Variants in PGM3 observed in about 807,000 individuals in gnomAD.
PGM3 encodes phosphoglucomutase 3.
A neutral mutation model predicts 66.2 loss-of-function variants in PGM3; 40 were observed. The ratio of observed to expected loss-of-function variants is 0.60; its 90% CI spans 0.47 to 0.79. The LOEUF is 0.79. Among genes scored for constraint, PGM3 ranks in the 30% least tolerant of loss-of-function variants. The pLI is 0.00. For missense variants in PGM3, 537 were observed against 643.4 expected (o/e 0.83, Z 1.79); for synonymous variants, 191 against 224.2 (o/e 0.85, Z 1.32).
rs377004138 is a variant in PGM3 at position 83,188,573 on chromosome 6, TC to T, written c.389+40del. The stretch of plus-strand genomic sequence containing the variant: ...ACTGATACAATCGTTTATATCACGT[TC>T]CCAAAGGTTTTTTTTTTTACCAGTA... On this transcript the variant is annotated intron_variant, in intron 3 of 12. Coordinates refer to ENST00000513973, the MANE Select transcript of PGM3 (RefSeq NM_015599.3). 1,123 of 1,466,036 alleles carry T rather than the reference TC, an allele frequency of 7.7e-4. 5 individuals are homozygous for T. The African/African-American group carries it at 0.017, about 22-fold the overall frequency. 90.8% of individuals were successfully genotyped at this position (1,466,036 alleles called of 1,614,324 possible).
At chr6:83,152,388 C>T in the PGM3 span, 3 of 1,184,544 alleles carry the variant, frequency 2.5e-6, no homozygotes, top group Non-Finnish European at 2.3e-6. Flanking sequence ...AGCTTTTTCA[C>T]ATGAACTCTC....
rs535683574 is a variant in PGM3 at position 83,190,586 on chromosome 6, C to T, written c.204+223G>A. 1.6e-5 allele frequency: 9 copies of T among 572,586 alleles called. No individual in the cohort carries two copies. The East Asian group carries it at 2.6e-4, about 16-fold the overall frequency. The allele number at this position is 572,586 out of a possible 1,614,324, so 35.5% of individuals were successfully genotyped here. A position where few individuals can be genotyped will look rare whatever the true frequency, so the allele number is the denominator to read the frequency against. ...CATTGTTATTTCTCTAATATGGACA[C>T]TCCAAAAAATGACAGTATCTTTTCA... On this transcript the variant is annotated intron_variant, in intron 2 of 12. Coordinates refer to ENST00000513973, the MANE Select transcript of PGM3 (RefSeq NM_015599.3).
In PGM3 at chr6:83,169,842, C is replaced by A. The variant is rs187369848; in HGVS notation, c.1539+463G>T. 4.9e-4 allele frequency: 225 copies of A among 456,526 alleles called. 1 individual carries two copies. In the Admixed American group the frequency reaches 5.2e-3, roughly 11 times the overall value. 28.3% of individuals were successfully genotyped at this position (456,526 alleles called of 1,614,324 possible). On this transcript the variant is annotated intron_variant, in intron 12 of 12. Coordinates refer to ENST00000513973, the MANE Select transcript of PGM3 (RefSeq NM_015599.3). ...AAATCCAGACCACAAGTCTTGACCC[C>A]TGTCAGGGAAACAGGCACAGAGTAA...
Position 83,167,007 on chromosome 6 carries a change from T to G in PGM3, c.*2227A>C. ...ACCAACCTGTTCTCTCTTATCTTTCTCTAGACAGAATGATGTCTGTAGCTG... is the reference window on the plus strand; with the variant it reads ...ACCAACCTGTTCTCTCTTATCTTTCGCTAGACAGAATGATGTCTGTAGCTG... On this transcript the variant is annotated 3_prime_UTR_variant, in exon 13 of 13. Coordinates refer to ENST00000513973, the MANE Select transcript of PGM3 (RefSeq NM_015599.3). 1.0e-6 allele frequency: 1 copy of G among 985,728 alleles called. No individual in the cohort carries two copies. Among genetic ancestry groups the G allele is most frequent in the Non-Finnish European group, 1.2e-6 (1 of 830,150 alleles). The allele number at this position is 985,728 out of a possible 1,614,324, so 61.1% of individuals were successfully genotyped here.
the PGM3 span, among the ~76,000 whole-genome samples, chr6:83,151,035 T>C: frequency 2.6e-5 from 4 of 152,246 alleles, no homozygotes; most frequent in Admixed American, 2.6e-4. Context: ...GTTTTTGAAC[T>C]ATAAGTATAT....
rs571413759 is a variant in PGM3 at position 83,183,718 on chromosome 6, A to G, written c.458-740T>C. Among the ~76,000 whole-genome samples the G allele has an allele frequency of 7.2e-5, 11 of 152,088 alleles. No individual in the cohort carries two copies. The East Asian group carries it at 2.1e-3, about 29-fold the overall frequency. On this transcript the variant is annotated intron_variant, in intron 4 of 12. Transcript: ENST00000513973. ...ATACATAACCACAGGAGTCCAAAGG[A>G]ACTTTGTCATGAATTTTTTTTTTTT...
Position 83,169,141 on chromosome 6 carries a change from TA to T in PGM3, c.*92del. Reference sequence around the variant, plus strand: ...ATCCAGTAGGCTGCATTGTAAACATTATGATTATAAATCTCTTAGTACTGCC... The same window carrying T: ...ATCCAGTAGGCTGCATTGTAAACATTTGATTATAAATCTCTTAGTACTGCC... On this transcript the variant is annotated 3_prime_UTR_variant, in exon 13 of 13. Coordinates refer to ENST00000513973, the MANE Select transcript of PGM3 (RefSeq NM_015599.3). 1 of 1,551,666 alleles carries T rather than the reference TA, an allele frequency of 6.4e-7. No individual in the cohort carries two copies.
At chr6:83,163,236 T>A (rs1420722096), downstream of PGM3, among the ~76,000 whole-genome samples, 3 of 152,196 alleles carry the variant, frequency 2.0e-5, no homozygotes, top group African/African-American at 7.2e-5. Flanking sequence ...ACCATACATG[T>A]GAGTATTTAA....
In PGM3 at chr6:83,193,160, G is replaced by A. The variant is rs898177650; in HGVS notation, c.-3+19C>T. On this transcript the variant is annotated intron_variant, in intron 1 of 12. Transcript: ENST00000513973. ...CGGTAGTCTCCCTTCTCAACTCCGAGCCTCGGGGCCCGGCTTACCTCGGTC... is the reference window on the plus strand; with the variant it reads ...CGGTAGTCTCCCTTCTCAACTCCGAACCTCGGGGCCCGGCTTACCTCGGTC... The A allele has an allele frequency of 2.0e-5, 3 of 152,158 alleles. No individual in the cohort carries two copies. The highest frequency in any genetic ancestry group is 4.4e-5 in the Non-Finnish European group (3 of 68,104). The allele number at this position is 152,158 out of a possible 1,614,324, so 9.4% of individuals were successfully genotyped here. A position where few individuals can be genotyped will look rare whatever the true frequency, so the allele number is the denominator to read the frequency against.
chr6:83,148,797 T>C, the PGM3 span: 1 of 1,563,578 alleles, frequency 6.4e-7, no homozygotes. Context: ...TGGGCGTCAC[T>C]GTTGATACTT....
intron 6 of PGM3, among the ~76,000 whole-genome samples, chr6:83,181,206 T>C (rs1169754305): frequency 6.6e-6 from 1 of 152,198 alleles, no homozygotes; most frequent in Admixed American, 6.5e-5. Flanking sequence ...TGCTAACAAC[T>C]GTATAAGCAG....
At chr6:83,191,407 AT>A (rs1248780006) in intron 1 of PGM3, 8 of 621,618 alleles carry the variant, frequency 1.3e-5, no homozygotes, top group Non-Finnish European at 1.7e-5. Flanking sequence ...ACTAACCTAA[AT>A]TAACATAGAT....
At chr6:83,190,768 G>T in intron 2 of PGM3, 41 bp downstream of exon 2, 1 of 1,474,908 alleles carries the variant, frequency 6.8e-7, no homozygotes, top group Non-Finnish European at 9.5e-7. Context: ...GCTTGGTCTT[G>T]TAAATAATGG....
At chr6:83,185,871 C>T (rs985400652) in intron 4 of PGM3, among the ~76,000 whole-genome samples, 1 of 151,924 alleles carries the variant, frequency 6.6e-6, no homozygotes, top group Admixed American at 6.6e-5. Flanking sequence ...AAGAGGGTCC[C>T]GAGGAATGCC....
At chr6:83,156,875 G>T (rs1782920239), downstream of PGM3, among the ~76,000 whole-genome samples, 1 of 151,550 alleles carries the variant, frequency 6.6e-6, no homozygotes, top group Admixed American at 6.5e-5. Flanking sequence ...CTCAAAGTAT[G>T]GTCCATGGAC....
intron 4 of PGM3, among the ~76,000 whole-genome samples, chr6:83,185,445 G>A (rs1031037625): frequency 1.3e-5 from 2 of 152,320 alleles, no homozygotes; most frequent in Admixed American, 1.3e-4. Flanking sequence ...TACACAGCAG[G>A]TAGTAAAACA....
downstream of PGM3, among the ~76,000 whole-genome samples, chr6:83,156,513 T>C (rs1031246788): frequency 3.9e-5 from 6 of 152,190 alleles, no homozygotes; most frequent in African/African-American, 1.4e-4. Context: ...GGGGACTGCA[T>C]GGGGGATTAT....
chr6:83,158,254 A>G (rs548072661), downstream of PGM3, among the ~76,000 whole-genome samples: 9 of 151,884 alleles, frequency 5.9e-5, no homozygotes, highest in East Asian at 1.9e-4. Context: ...GCCCACCTCG[A>G]CCTCCCAAAG....
In PGM3 at chr6:83,178,713, G is replaced by A. The variant is rs1286840518; in HGVS notation, c.989C>T (p.Ala330Val). 6.2e-7 allele frequency: 1 copy of A among 1,605,892 alleles called. No homozygotes were observed. The highest frequency in any genetic ancestry group is 1.7e-5 in the Admixed American group (1 of 59,986). The change falls in exon 8 of 13, where the codon GCA becomes GTA. Residue 330 changes from alanine to valine, a missense_variant. Ala to Val is a moderately conservative substitution (Grantham distance 64). Transcript: ENST00000513973. ...AAGATACCGTGTTGAACTTCCATTTGCATATGCAGTTTGTACAACACCAAT... is the reference window on the plus strand; with the variant it reads ...AAGATACCGTGTTGAACTTCCATTTACATATGCAGTTTGTACAACACCAAT... ...LNIGVVQTAY[A>V]NGSSTRYLEE...
Sources: gnomAD v4.1 joint callset for allele counts (sites outside exome capture counted in the v4.1 genomes callset) on GRCh38, gnomAD v4.1.1 for gene constraint, MANE v1.5 for transcripts, NCBI Gene and HGNC (gene_info 2026-07-23, HGNC 2026-07-21) for gene names.